The following IYD variants were observed in gnomAD, a reference collection of about 807,000 sequenced individuals.
The protein encoded by IYD is iodotyrosine deiodinase.
IYD carries 25 observed loss-of-function variants against 28.4 expected under a neutral mutation model. The observed-to-expected ratio is 0.88, with a 90% CI of 0.64 to 1.23. IYD has a LOEUF of 1.23. Ranked by LOEUF, IYD falls within the 50% of genes most tolerant of loss-of-function variation. The pLI, the probability that IYD is intolerant of heterozygous loss-of-function variation, is 0.00. For synonymous variants in IYD, 140 were observed against 130.8 expected (o/e 1.07, Z -0.48); for missense variants, 352 against 357.9 (o/e 0.98, Z 0.13).
chr6:150,389,535 G>T lies in IYD; in HGVS notation c.362G>T (p.Arg121Ile). Residue 121 changes from arginine (R) to isoleucine (I), a missense_variant, in exon 2 of 5, where the codon AGA becomes ATA. Arg to Ile is a moderately conservative substitution (Grantham distance 97, BLOSUM62 -3). Transcript: ENST00000344419. The part of the protein sequence containing the change: ...VPMEVIDNVI[R>I]TAGTAPSGAH... ...ATGGAAGTCATTGATAATGTCATCA[G>T]AACGGCAGGTTTGTAATTGCAGATG... 1 of 1,613,890 alleles carries T rather than the reference G, an allele frequency of 6.2e-7. No homozygotes were observed. The highest frequency in any genetic ancestry group is 1.1e-5 in the South Asian group (1 of 91,030).
At chr6:150,392,305 C>T (rs749622687) in intron 2 of IYD, 40 bp from the exon 3 acceptor site, 24 of 1,611,320 alleles carry the variant, frequency 1.5e-5, no homozygotes, top group Non-Finnish European at 1.9e-5. Flanking sequence ...TCACACTTTC[C>T]TGCAGTTTTA....
intron 2 of IYD, among the ~76,000 whole-genome samples, chr6:150,390,941 A>G (rs915286264): frequency 5.9e-5 from 9 of 152,108 alleles, no homozygotes; most frequent in Admixed American, 2.0e-4. Flanking sequence ...ACCCATGTCT[A>G]AGAGTTCTCC....
chr6:150,395,616 C>A, intron 4 of IYD: 1 of 1,418,192 alleles, frequency 7.1e-7, no homozygotes. Flanking sequence ...AGTTTGCTGC[C>A]CCCTAGCTTT....
intron 1 of IYD, among the ~76,000 whole-genome samples, chr6:150,378,965 C>T (rs548718986): frequency 2.6e-5 from 4 of 152,344 alleles, no homozygotes; most frequent in South Asian, 2.1e-4. Flanking sequence ...TCATGCTCAT[C>T]GCTTCCAGAG....
chr6:150,392,601 G>A, intron 3 of IYD, 97 bp downstream of exon 3: 2 of 1,290,164 alleles, frequency 1.6e-6, no homozygotes, highest in Non-Finnish European at 2.2e-6. Context: ...GCGTGAAAAA[G>A]CTTGATTCTA....
intron 2 of IYD, among the ~76,000 whole-genome samples, chr6:150,390,184 G>T (rs1291586725): frequency 6.6e-6 from 1 of 152,100 alleles, no homozygotes; most frequent in African/African-American, 2.4e-5. Flanking sequence ...CCATATTTAA[G>T]TTTATTTGCA....
At chr6:150,392,904 T>C (rs1194064968) in intron 3 of IYD, among the ~76,000 whole-genome samples, 2 of 152,058 alleles carry the variant, frequency 1.3e-5, no homozygotes, top group African/African-American at 4.8e-5. Context: ...TTAGTAACTT[T>C]TTGGCTTCCT....
intron 1 of IYD, among the ~76,000 whole-genome samples, chr6:150,379,608 T>C (rs551046283): frequency 6.6e-6 from 1 of 152,340 alleles, no homozygotes; most frequent in South Asian, 2.1e-4. Flanking sequence ...AATAAGGTTA[T>C]TGTTCCAAAG....
At chr6:150,397,777 A>G (rs1158431873) in intron 4 of IYD, among the ~76,000 whole-genome samples, 2 of 149,824 alleles carry the variant, frequency 1.3e-5, no homozygotes, top group Admixed American at 1.3e-4. Context: ...CTGTAAAATA[A>G]CCATTCCTAT....
intron 1 of IYD, among the ~76,000 whole-genome samples, chr6:150,377,220 G>T (rs574031626): frequency 3.9e-5 from 6 of 152,220 alleles, no homozygotes; most frequent in Non-Finnish European, 8.8e-5. Flanking sequence ...GTATACATTT[G>T]CTTTGCACTG....
At position 150,403,185 on chromosome 6, in the gene IYD, A is replaced by G. The variant is rs1429927074; in HGVS notation, c.*4948A>G. 2.0e-5 allele frequency: 3 copies of G among 152,262 alleles called. No individual in the cohort carries two copies. Among genetic ancestry groups the G allele is most frequent in the Non-Finnish European group, 4.4e-5 (3 of 68,048 alleles). The allele number at this position is 152,262 out of a possible 1,614,324, so 9.4% of individuals were successfully genotyped here. A position where few individuals can be genotyped will look rare whatever the true frequency, so the allele number is the denominator to read the frequency against. On this transcript the variant is annotated 3_prime_UTR_variant, in exon 5 of 5. Coordinates refer to ENST00000344419, the MANE Select transcript of IYD (RefSeq NM_203395.3). ...TAAGCATCTTTTAGGAATATCAGTA[A>G]GTGGAAGAAAAACACATAGTTATCA... is the stretch of plus-strand genomic sequence containing the variant.
chr6:150,390,163 T>C (rs1778058025), intron 2 of IYD, among the ~76,000 whole-genome samples: 1 of 152,230 alleles, frequency 6.6e-6, no homozygotes, highest in Non-Finnish European at 1.5e-5. Flanking sequence ...GGAGTCTTAT[T>C]CTTACATAAA....
At chr6:150,385,325 A>G (rs1475402259) in intron 1 of IYD, among the ~76,000 whole-genome samples, 5 of 152,152 alleles carry the variant, frequency 3.3e-5, no homozygotes, top group Non-Finnish European at 1.5e-5. Flanking sequence ...AAGATACATC[A>G]TTACCATAGC....
chr6:150,393,075 G>A (rs940012905), intron 3 of IYD, among the ~76,000 whole-genome samples: 1 of 152,108 alleles, frequency 6.6e-6, no homozygotes, highest in African/African-American at 2.4e-5. Context: ...TCAGGAAAGT[G>A]GATTACAAGT....
intron 1 of IYD, among the ~76,000 whole-genome samples, chr6:150,376,688 T>G (rs1195278820): frequency 6.6e-6 from 1 of 152,114 alleles, no homozygotes; most frequent in Non-Finnish European, 1.5e-5. Context: ...TGCAGTGGCA[T>G]GATCATAGCT....
rs1250321577 is a variant in IYD at position 150,394,213 on chromosome 6, C to T, written c.645C>T (p.Ile215=). Residue 215 remains isoleucine (I), a synonymous_variant, in exon 4 of 5, where the codon ATC becomes ATT. Transcript: ENST00000344419. ...GKKKVHYYNE[I]SVSIACGILL... is the part of the protein sequence containing the mutation. ...AAAAAGTCCACTACTACAATGAGATCAGTGTTTCCATCGCTTGTGGCATCC... is the reference window on the plus strand; with the variant it reads ...AAAAAGTCCACTACTACAATGAGATTAGTGTTTCCATCGCTTGTGGCATCC... The T allele has an allele frequency of 6.2e-7, 1 of 1,614,070 alleles. No homozygotes were observed. The highest frequency in any genetic ancestry group is 8.5e-7 in the Non-Finnish European group (1 of 1,180,032).
chr6:150,391,535 A>G (rs1778117305), intron 2 of IYD, among the ~76,000 whole-genome samples: 1 of 152,096 alleles, frequency 6.6e-6, no homozygotes, highest in South Asian at 2.1e-4. Flanking sequence ...ATTTTCTTCC[A>G]TGTAATTAGA....
rs890091685 is a variant in IYD at position 150,404,044 on chromosome 6, A to G, written c.*5807A>G. On this transcript the variant is annotated 3_prime_UTR_variant, in exon 5 of 5. Coordinates refer to ENST00000344419, the MANE Select transcript of IYD (RefSeq NM_203395.3). The stretch of plus-strand genomic sequence containing the variant: ...AAAACTGGGAGCCTCCTGTTCCCAT[A>G]GTAACCACAGCACTCAGGGCACTGT... The G allele has an allele frequency of 2.6e-5, 4 of 152,230 alleles. No homozygotes were observed. The highest frequency in any genetic ancestry group is 4.4e-5 in the Non-Finnish European group (3 of 68,038). 9.4% of individuals were successfully genotyped at this position (152,230 alleles called of 1,614,324 possible). A position where few individuals can be genotyped will look rare whatever the true frequency, so the allele number is the denominator to read the frequency against.
chr6:150,375,034 G>A (rs1438511929), intron 1 of IYD, among the ~76,000 whole-genome samples: 1 of 152,052 alleles, frequency 6.6e-6, no homozygotes, highest in South Asian at 2.1e-4. Flanking sequence ...TCTCTTTCTG[G>A]GCACCCTTCA....
Sources: allele counts gnomAD v4.1 joint callset (sites outside exome capture counted in the v4.1 genomes callset), GRCh38; gene constraint gnomAD v4.1.1; transcripts MANE v1.5; gene names NCBI Gene and HGNC (gene_info 2026-07-23, HGNC 2026-07-21).